Variants in CDH13 observed in about 807,000 individuals in gnomAD.
The protein encoded by CDH13 is cadherin 13.
A neutral mutation model predicts 63.8 loss-of-function variants in CDH13; 24 were observed. The observed-to-expected ratio is 0.38, with a 90% CI of 0.27 to 0.53. CDH13 has a LOEUF of 0.53. Among genes scored for constraint, CDH13 ranks in the 20% least tolerant of loss-of-function variants. The pLI is 0.85. For synonymous variants in CDH13, 503 were observed against 355.3 expected, an observed-to-expected ratio of 1.42 and a Z score of -4.67; for missense variants, 1,049 against 903.1, an observed-to-expected ratio of 1.16 and a Z score of -2.07.
At chr16:82,909,177 T>G (rs1402399243) in intron 2 of CDH13, among the ~76,000 whole-genome samples, 2 of 152,174 alleles carry the variant, frequency 1.3e-5, no homozygotes, top group African/African-American at 4.8e-5. Context: ...TTTTATTGTT[T>G]TAAACAATAT....
intron 4 of CDH13, among the ~76,000 whole-genome samples, chr16:83,216,242 T>C (rs940375995): frequency 6.6e-6 from 1 of 151,076 alleles, no homozygotes; most frequent in Non-Finnish European, 1.5e-5. Context: ...GTGTTGTATG[T>C]TGTATTGCAG....
intron 8 of CDH13, chr16:83,654,798 C>T (rs28459432): frequency 0.14 from 21,558 of 152,134 alleles, 1,740 homozygotes; most frequent in East Asian, 0.27. Flanking sequence ...ATGCTGCCAC[C>T]TGATCCCTGC....
chr16:82,810,886 G>C (rs1055062111), intron 1 of CDH13, among the ~76,000 whole-genome samples: 1 of 152,046 alleles, frequency 6.6e-6, no homozygotes, highest in African/African-American at 2.4e-5. Flanking sequence ...AGGGGGAAAT[G>C]GGGGGAGGTA....
At chr16:83,073,348 T>TGA (rs1237929475) in intron 3 of CDH13, among the ~76,000 whole-genome samples, 1 of 125,826 alleles carries the variant, frequency 7.9e-6, no homozygotes, top group African/African-American at 3.4e-5. Context: ...TGTGTGTGTG[T>TGA]GTGTGTGAGA....
chr16:83,226,102 C>T lies in CDH13; in HGVS notation c.636+8605C>T, dbSNP rs114130422. ...TCTGAGTGCTTGTGAAAAAATAATT[C>T]GAGGTTTGTTCACAGCCCCTCCCTA... is the stretch of plus-strand genomic sequence containing the variant. On this transcript the variant is annotated intron_variant, in intron 5 of 13. Coordinates refer to ENST00000567109, the MANE Select transcript of CDH13 (RefSeq NM_001257.5). Among the ~76,000 whole-genome samples the T allele has an allele frequency of 7.3e-3, 1,104 of 152,228 alleles. 16 individuals carry two copies. Among genetic ancestry groups the T allele is most frequent in the African/African-American group, 0.025 (1,035 of 41,528 alleles).
At chr16:82,656,935 TTA>T (rs1337678674) in intron 1 of CDH13, among the ~76,000 whole-genome samples, 65 of 145,210 alleles carry the variant, frequency 4.5e-4, no homozygotes, top group African/African-American at 1.6e-3. Flanking sequence ...TTTTTTTTTT[TTA>T]GCATTGAATA....
At chr16:83,609,251 G>T (rs1908643428) in intron 8 of CDH13, among the ~76,000 whole-genome samples, 1 of 151,796 alleles carries the variant, frequency 6.6e-6, no homozygotes, top group Admixed American at 6.6e-5. Context: ...TTTTTTTTTA[G>T]CTCATCAGCT....
In CDH13 at chr16:83,160,893, A is replaced by G. The variant is rs72800239; in HGVS notation, c.483+35392A>G. On this transcript the variant is annotated intron_variant, in intron 4 of 13. Transcript: ENST00000567109. ...AGTGTTTGTCTGGGATGTTATGTCTAATTCCTCCAGTACACATTTTTCCGT... is the reference window on the plus strand; with the variant it reads ...AGTGTTTGTCTGGGATGTTATGTCTGATTCCTCCAGTACACATTTTTCCGT... 9.2e-5 allele frequency among the ~76,000 whole-genome samples: 14 copies of G among 152,250 alleles called. No individual in the cohort carries two copies. In the East Asian group the frequency reaches 2.5e-3, roughly 27 times the overall value.
At chr16:83,271,501 A>T (rs1339965399) in intron 5 of CDH13, among the ~76,000 whole-genome samples, 6 of 2,166 alleles carry the variant, frequency 2.8e-3, no homozygotes, top group African/African-American at 4.4e-3. Flanking sequence ...GCTTTTATTT[A>T]AAAAAAAACA....
intron 4 of CDH13, among the ~76,000 whole-genome samples, chr16:83,213,022 G>A (rs1037013927): frequency 1.3e-5 from 2 of 152,176 alleles, no homozygotes; most frequent in Non-Finnish European, 2.9e-5. Flanking sequence ...TCTTCAAAGT[G>A]AACATAGCTC....
Position 83,800,443 on chromosome 16 carries a change from C to T in CDH13, c.*5413C>T, listed in dbSNP as rs1904314035. The T allele has an allele frequency of 6.6e-6, 1 of 152,146 alleles. No homozygotes were observed. The highest frequency in any genetic ancestry group is 1.5e-5 in the Non-Finnish European group (1 of 68,022). The allele number at this position is 152,146 out of a possible 1,614,324, so 9.4% of individuals were successfully genotyped here. On this transcript the variant is annotated 3_prime_UTR_variant, in exon 14 of 14. Coordinates refer to ENST00000567109, the MANE Select transcript of CDH13 (RefSeq NM_001257.5). The stretch of plus-strand genomic sequence containing the variant: ...AGAAATTTTAAATGCTTTTTATTCA[C>T]ACACACTTTTCAAAAGGGATAAAAG...
intron 1 of CDH13, among the ~76,000 whole-genome samples, chr16:82,777,001 C>T (rs902191503): frequency 2.6e-5 from 4 of 152,136 alleles, no homozygotes; most frequent in Admixed American, 1.3e-4. Context: ...AGTGCAGTGA[C>T]GTGATGCAAT....
chr16:83,670,463 G>A (rs1359775966), intron 8 of CDH13, among the ~76,000 whole-genome samples: 1 of 152,160 alleles, frequency 6.6e-6, no homozygotes, highest in Non-Finnish European at 1.5e-5. Context: ...GGGTTTTGTG[G>A]TCCTCTGCAT....
intron 6 of CDH13, among the ~76,000 whole-genome samples, chr16:83,417,939 T>C (rs2071602380): frequency 6.6e-6 from 1 of 151,632 alleles, no homozygotes; most frequent in Non-Finnish European, 1.5e-5. Flanking sequence ...CAGCCTAGCA[T>C]CCTCCCCACC....
In CDH13 at chr16:82,670,057, T is replaced by C. The variant is rs921552168; in HGVS notation, c.45+42920T>C. The stretch of plus-strand genomic sequence containing the variant: ...TGGAAAGCAGCCCCTGTTGGATAAT[T>C]GCTGCTTGTCTCAGAGTTTGAGATT... On this transcript the variant is annotated intron_variant, in intron 1 of 13. Coordinates refer to ENST00000567109, the MANE Select transcript of CDH13 (RefSeq NM_001257.5). Among the ~76,000 whole-genome samples the C allele has an allele frequency of 4.6e-5, 7 of 152,342 alleles. No individual in the cohort carries two copies. In the East Asian group the frequency reaches 1.3e-3, roughly 29 times the overall value.
chr16:83,006,457 A>G (rs1913505735), intron 2 of CDH13, among the ~76,000 whole-genome samples: 1 of 152,162 alleles, frequency 6.6e-6, no homozygotes, highest in South Asian at 2.1e-4. Flanking sequence ...CCTTTCAGGG[A>G]CAAATCAAAG....
At chr16:82,643,218 G>A (rs1389067382) in intron 1 of CDH13, among the ~76,000 whole-genome samples, 4 of 152,216 alleles carry the variant, frequency 2.6e-5, no homozygotes, top group Non-Finnish European at 5.9e-5. Flanking sequence ...TGTTACACAT[G>A]TCTAAATAAA....
intron 11 of CDH13, among the ~76,000 whole-genome samples, chr16:83,757,568 ACT>A (rs1158871592): frequency 6.6e-6 from 1 of 152,140 alleles, no homozygotes; most frequent in Non-Finnish European, 1.5e-5. Flanking sequence ...ACAGAGCGAG[ACT>A]CTGTCTCTAA....
chr16:82,717,752 C>T (rs1180174077), intron 1 of CDH13, among the ~76,000 whole-genome samples: 2 of 152,138 alleles, frequency 1.3e-5, no homozygotes, highest in Non-Finnish European at 1.5e-5. Context: ...ATTAATTTGG[C>T]CACATCTGCA....
Sources: gnomAD v4.1 joint callset for allele counts (sites outside exome capture counted in the v4.1 genomes callset) on GRCh38, gnomAD v4.1.1 for gene constraint, MANE v1.5 for transcripts, NCBI Gene and HGNC (gene_info 2026-07-23, HGNC 2026-07-21) for gene names.